LRP1B: variants seen among roughly 807,000 people sequenced by gnomAD.
LRP1B encodes LDL receptor related protein 1B, also known as low-density lipoprotein receptor-related protein 1B.
In LRP1B, 217 loss-of-function variants were observed where a neutral mutation model predicts 556.6. That is an observed-to-expected ratio of 0.39 (90% confidence interval 0.35 to 0.44). The LOEUF is 0.44. Among genes scored for constraint, LRP1B ranks in the 20% least tolerant of loss-of-function variants. LRP1B has a pLI of 1.00. For missense variants in LRP1B, 5,053 were observed against 5,620.8 expected (o/e 0.90, Z 3.23); for synonymous variants, 2,047 against 1,865.8 (o/e 1.10, Z -2.50).
intron 86 of LRP1B, among the ~76,000 whole-genome samples, chr2:140,257,637 A>C (rs1249303176): frequency 1.3e-5 from 2 of 152,204 alleles, no homozygotes; most frequent in Non-Finnish European, 2.9e-5. Flanking sequence ...ACCTAGAATC[A>C]TAAAGGATAG....
At chr2:141,070,243 C>G (rs1260267352) in intron 7 of LRP1B, among the ~76,000 whole-genome samples, 1 of 151,446 alleles carries the variant, frequency 6.6e-6, no homozygotes, top group Non-Finnish European at 1.5e-5. Flanking sequence ...ACAACCTGCT[C>G]CTGAATGACT....
chr2:141,810,464 A>G (rs1461774247), intron 1 of LRP1B, 63 bp from the exon 2 acceptor site: 18 of 1,548,906 alleles, frequency 1.2e-5, no homozygotes, highest in Non-Finnish European at 1.2e-5. Flanking sequence ...AACGAGCAGT[A>G]CAAACATGAA....
chr2:140,386,070 T>A (rs910419886), intron 66 of LRP1B, 61 bp from the exon 67 acceptor site: 55 of 980,300 alleles, frequency 5.6e-5, no homozygotes, highest in Non-Finnish European at 8.2e-5. Flanking sequence ...CCTCACAACG[T>A]CCTCACTGCC....
intron 3 of LRP1B, among the ~76,000 whole-genome samples, chr2:141,365,145 A>G (rs1325944134): frequency 6.6e-6 from 1 of 152,188 alleles, no homozygotes; most frequent in Non-Finnish European, 1.5e-5. Flanking sequence ...ATAGATTTTC[A>G]GTTTGCTTAC....
chr2:140,442,763 ATTTTAAC>A, intron 65 of LRP1B, 140 bp from the exon 66 acceptor site: 1 of 754,060 alleles, frequency 1.3e-6, no homozygotes, highest in Non-Finnish European at 2.1e-6. Flanking sequence ...AAGGTGAGGA[ATTTTAAC>A]TTTTAATTCC....
chr2:141,977,324 C>A (rs1339020224), intron 1 of LRP1B, among the ~76,000 whole-genome samples: 7 of 152,144 alleles, frequency 4.6e-5, no homozygotes, highest in Non-Finnish European at 7.3e-5. Flanking sequence ...ATAATCCCAG[C>A]ACTTTGGGAG....
At chr2:140,920,200 G>A (rs781006085) in intron 21 of LRP1B, among the ~76,000 whole-genome samples, 2 of 151,942 alleles carry the variant, frequency 1.3e-5, no homozygotes, top group Non-Finnish European at 2.9e-5. Flanking sequence ...TTGTTAGTCT[G>A]GAGTGTAAGA....
intron 7 of LRP1B, among the ~76,000 whole-genome samples, chr2:141,110,770 G>A (rs1298488905): frequency 6.6e-6 from 1 of 152,038 alleles, no homozygotes; most frequent in Non-Finnish European, 1.5e-5. Flanking sequence ...CCTAAGAGGG[G>A]ATTTATAGCA....
At chr2:140,485,119 G>C (rs1558914814) in intron 59 of LRP1B, among the ~76,000 whole-genome samples, 2 of 152,094 alleles carry the variant, frequency 1.3e-5, no homozygotes, top group East Asian at 3.9e-4. Context: ...GAAAATAGCT[G>C]TGTTTAAAAC....
chr2:140,351,933 C>T (rs2105119238), intron 76 of LRP1B, among the ~76,000 whole-genome samples: 1 of 152,136 alleles, frequency 6.6e-6, no homozygotes, highest in South Asian at 2.1e-4. Flanking sequence ...TTCCTTGAGG[C>T]CACACAGTCT....
chr2:141,325,187 C>T (rs916079591), intron 3 of LRP1B, among the ~76,000 whole-genome samples: 8 of 148,592 alleles, frequency 5.4e-5, no homozygotes, highest in African/African-American at 2.0e-4. Context: ...AGGGCTAATA[C>T]CACAATCTGA....
At chr2:141,216,986 G>T (rs1682841678) in intron 6 of LRP1B, among the ~76,000 whole-genome samples, 1 of 152,110 alleles carries the variant, frequency 6.6e-6, no homozygotes, top group Non-Finnish European at 1.5e-5. Context: ...ATCTGATGCT[G>T]GAATGAGGTC....
intron 3 of LRP1B, among the ~76,000 whole-genome samples, chr2:141,310,413 A>G (rs1686768182): frequency 1.3e-5 from 2 of 152,194 alleles, no homozygotes; most frequent in Non-Finnish European, 2.9e-5. Context: ...GGGTTATTAT[A>G]ATGATGAACT....
chr2:140,239,715 C>A (rs1471713378), intron 87 of LRP1B, among the ~76,000 whole-genome samples, 183 bp from the exon 88 acceptor site: 1 of 150,864 alleles, frequency 6.6e-6, no homozygotes, highest in Admixed American at 6.6e-5. Context: ...AACACTTGAT[C>A]TGATGGAAAT....
chr2:140,643,154 T>C (rs1255672441), intron 41 of LRP1B, among the ~76,000 whole-genome samples: 1 of 152,164 alleles, frequency 6.6e-6, no homozygotes, highest in East Asian at 1.9e-4. Flanking sequence ...AATGAAATTG[T>C]TCCCTTTTTT....
chr2:141,602,880 C>A (rs767911939), intron 2 of LRP1B, among the ~76,000 whole-genome samples: 1 of 152,144 alleles, frequency 6.6e-6, no homozygotes, highest in Non-Finnish European at 1.5e-5. Flanking sequence ...GTTAATCTTA[C>A]CTGTTTTTGT....
rs74732632 is a variant in LRP1B at position 142,024,288 on chromosome 2, C to G, written c.82+106360G>C. Among the ~76,000 whole-genome samples, 801 of 152,312 alleles carry G rather than the reference C, an allele frequency of 5.3e-3. 7 individuals carry two copies. Among genetic ancestry groups the G allele is most frequent in the African/African-American group, 0.019 (776 of 41,582 alleles). ...CTGGCAGTTATCCTAACTCCTTTTT[C>G]AGCAAAGCTTCACGTTTCAGTTATT... is the stretch of plus-strand genomic sequence containing the variant. On this transcript the variant is annotated intron_variant, in intron 1 of 90. Transcript: ENST00000389484.
chr2:140,312,061 T>C (rs1684326635), intron 83 of LRP1B, among the ~76,000 whole-genome samples: 1 of 151,382 alleles, frequency 6.6e-6, no homozygotes, highest in Non-Finnish European at 1.5e-5. Context: ...TGCTCTTTAC[T>C]TCCGGGGGAA....
chr2:141,102,180 T>C (rs1700478036), intron 7 of LRP1B, among the ~76,000 whole-genome samples: 1 of 152,108 alleles, frequency 6.6e-6, no homozygotes, highest in Non-Finnish European at 1.5e-5. Context: ...TCTTCACCCT[T>C]AGTGGTAGTA....
Sources: allele counts gnomAD v4.1 joint callset (sites outside exome capture counted in the v4.1 genomes callset), GRCh38; gene constraint gnomAD v4.1.1; transcripts MANE v1.5; gene names NCBI Gene and HGNC (gene_info 2026-07-23, HGNC 2026-07-21).